Variants in E2F7 observed in about 807,000 individuals in gnomAD.
The protein encoded by E2F7 is transcription factor E2F7.
A neutral mutation model predicts 81.1 loss-of-function variants in E2F7; 35 were observed. That is an observed-to-expected ratio of 0.43 (90% confidence interval 0.33 to 0.57). The LOEUF is 0.57. Ranked by LOEUF, E2F7 falls within the 20% of genes least tolerant of loss-of-function variation. E2F7 has a pLI of 0.04. For synonymous variants in E2F7, 416 were observed against 416.2 expected (o/e 1.00, Z 0.01); for missense variants, 961 against 1,093.7 (o/e 0.88, Z 1.71).
Position 77,028,128 on chromosome 12 carries a change from T to C in E2F7, c.1895A>G (p.Asp632Gly), listed in dbSNP as rs201732721. The C allele has an allele frequency of 4.8e-5, 77 of 1,612,686 alleles. No homozygotes were observed. In the Middle Eastern group the frequency reaches 1.3e-3, roughly 28 times the overall value. ...CTTGGGAGAGGCAAGGTCTGTGGAA[T>C]CTGAGGGTTTCTAAACACAACCAAA... ...LSLVMPKKPS[D>G]STDLASPKTM... is the part of the protein sequence containing the mutation. The change falls in exon 11 of 13, where the codon GAT becomes GGT. Residue 632 changes from aspartate to glycine, a missense_variant. This residue lies in a region of E2F7 where 587 missense variants were observed against 620.3 expected (regional missense o/e 0.95). Coordinates refer to ENST00000322886, the MANE Select transcript of E2F7 (RefSeq NM_203394.3).
intron 9 of E2F7, 27 bp from the exon 10 acceptor site, chr12:77,030,359 G>T: frequency 6.6e-7 from 1 of 1,513,878 alleles, no homozygotes; most frequent in Non-Finnish European, 8.8e-7. Context: ...ACGTAACGAA[G>T]TTAGCACATT....
At chr12:77,027,777 C>A in intron 11 of E2F7, 106 bp downstream of exon 11, 1 of 1,457,528 alleles carries the variant, frequency 6.9e-7, no homozygotes, top group Non-Finnish European at 9.2e-7. Context: ...ATGACTCAGG[C>A]ACATCAATAA....
chr12:77,055,020 C>T (rs1955020863), intron 3 of E2F7, among the ~76,000 whole-genome samples: 2 of 152,044 alleles, frequency 1.3e-5, no homozygotes, highest in Admixed American at 6.6e-5. Flanking sequence ...AGCCAAAGAA[C>T]AGCCCAGACT....
chr12:77,037,416 C>G (rs1954861059), intron 7 of E2F7, among the ~76,000 whole-genome samples: 1 of 152,096 alleles, frequency 6.6e-6, no homozygotes, highest in African/African-American at 2.4e-5. Flanking sequence ...CATAGTGAAA[C>G]CCTGTCTCTA....
rs1173814178 is a variant in E2F7, at chr12:77,046,300, A to T, written c.567T>A (p.Ile189=). The T allele has an allele frequency of 9.9e-6, 16 of 1,614,084 alleles. No individual in the cohort carries two copies. Among genetic ancestry groups the T allele is most frequent in the Admixed American group, 5.0e-5 (3 of 59,988 alleles). Residue 189 remains isoleucine, a synonymous_variant, in exon 5 of 13, where the codon ATT becomes ATA. Transcript: ENST00000322886. ...LGVERRRIYD[I]VNVLESLHLV... is the part of the protein sequence containing the mutation. ...GATGCAGCGACTCCAGCACATTTAC[A>T]ATGTCATAGATGCGTCTCCTTTCCA... is the stretch of plus-strand genomic sequence containing the variant.
intron 7 of E2F7, among the ~76,000 whole-genome samples, chr12:77,034,277 T>A (rs903079211): frequency 6.6e-6 from 1 of 152,202 alleles, no homozygotes; most frequent in African/African-American, 2.4e-5. Flanking sequence ...TCCATATATA[T>A]TCTAAAATTA....
chr12:77,025,772 C>G lies in E2F7; in HGVS notation c.2351G>C (p.Ser784Thr), dbSNP rs1592552569. ...ALPNTGPVNF[S>T]LPGLGSIAQL... is the part of the protein sequence containing the mutation. The stretch of plus-strand genomic sequence containing the variant: ...GGCTATTGATCCAAGGCCAGGCAAG[C>G]TGAAATTCACAGGTCCTGTGTTTGG... The change falls in exon 12 of 13, where the codon AGC (serine) becomes ACC (threonine). Residue 784 changes from serine (S) to threonine (T), a missense_variant. Physicochemically the swap from Ser to Thr is moderately conservative, Grantham distance 58 (BLOSUM62 1). Transcript: ENST00000322886. 1.2e-6 allele frequency: 2 copies of G among 1,614,038 alleles called. No individual in the cohort carries two copies. The highest frequency in any genetic ancestry group is 8.5e-7 in the Non-Finnish European group (1 of 1,180,018).
chr12:77,030,035 A>ACTT lies in E2F7; in HGVS notation c.1677_1679dup (p.Gly559_Ser560insArg). On this transcript the variant is annotated inframe_insertion, in exon 10 of 13. Coordinates refer to ENST00000322886, the MANE Select transcript of E2F7 (RefSeq NM_203394.3). ...ACCCTGACGCTGGTCCCTCCTGCAG[A>ACTT]CTTCCATACAGCATGAACAGTGAGG... is the stretch of plus-strand genomic sequence containing the variant. 6.2e-7 allele frequency: 1 copy of ACTT among 1,614,178 alleles called. No homozygotes were observed. Among genetic ancestry groups the ACTT allele is most frequent in the Non-Finnish European group, 8.5e-7 (1 of 1,180,032 alleles).
At chr12:77,028,731 C>T (rs1954779976) in intron 10 of E2F7, among the ~76,000 whole-genome samples, 1 of 152,124 alleles carries the variant, frequency 6.6e-6, no homozygotes, top group Non-Finnish European at 1.5e-5. Context: ...GCCTCGGCCT[C>T]CAAAGTGCTG....
chr12:77,064,611 T>C lies in E2F7; in HGVS notation c.25A>G (p.Lys9Glu). Residue 9 changes from lysine (K) to glutamate (E), a missense_variant, in exon 2 of 13, where the codon AAA becomes GAA. Physicochemically the swap from Lys to Glu is moderately conservative, Grantham distance 56. Around this residue, in one of 3 missense-constraint regions of E2F7, gnomAD observed 73 missense variants for 68.4 expected, o/e 1.07. Transcript: ENST00000322886. ...GGCTGCCTGGGGCTGATCAGGTCTT[T>C]TAGTGTTAAACAATTTACCTCCATC... is the stretch of plus-strand genomic sequence containing the variant. MEVNCLTL[K>E]DLISPRQPRL... The C allele has an allele frequency of 6.2e-7, 1 of 1,614,080 alleles. No individual in the cohort carries two copies. The highest frequency in any genetic ancestry group is 1.1e-5 in the South Asian group (1 of 91,024).
intron 5 of E2F7, 81 bp from the exon 6 acceptor site, chr12:77,044,876 C>G: frequency 6.7e-7 from 1 of 1,490,162 alleles, no homozygotes; most frequent in Non-Finnish European, 9.1e-7. Flanking sequence ...CCAAAATGAT[C>G]TAGCCCTATC....
chr12:77,056,434 G>A lies in E2F7; in HGVS notation c.94-304C>T, dbSNP rs148313337. On this transcript the variant is annotated intron_variant, in intron 2 of 12. Coordinates refer to ENST00000322886, the MANE Select transcript of E2F7 (RefSeq NM_203394.3). The stretch of plus-strand genomic sequence containing the variant: ...ACAGATGAGGACTATGAGGGCCAAT[G>A]TGGGTTGAGTCCATATTGTTTCTAA... 9.8e-5 allele frequency among the ~76,000 whole-genome samples: 15 copies of A among 152,312 alleles called. 1 individual carries two copies. The East Asian group carries it at 2.9e-3, about 29-fold the overall frequency.
At position 77,033,884 on chromosome 12, in the gene E2F7, G is replaced by T; in HGVS notation, c.1282C>A (p.Pro428Thr). Reference sequence around the variant, plus strand: ...TGTTCTTCTCTGTACGGGCTGCTCGGTTCTGAGTTCACTTTCCTCTGGATC... The same window carrying T: ...TGTTCTTCTCTGTACGGGCTGCTCGTTTCTGAGTTCACTTTCCTCTGGATC... ...ERIQRKVNSEPSSPYREEQGS... is the reference protein window; with the variant it reads ...ERIQRKVNSETSSPYREEQGS... Residue 428 changes from proline (P) to threonine (T), a missense_variant, in exon 8 of 13, where the codon CCG becomes ACG. Physicochemically the swap from Pro to Thr is conservative, Grantham distance 38. Transcript: ENST00000322886. 6.2e-7 allele frequency: 1 copy of T among 1,613,200 alleles called. No homozygotes were observed. The highest frequency in any genetic ancestry group is 8.5e-7 in the Non-Finnish European group (1 of 1,179,712).
rs1218991594 is a variant in E2F7, at chr12:77,022,917, G to T, written c.*1098C>A. On this transcript the variant is annotated 3_prime_UTR_variant, in exon 13 of 13. Transcript: ENST00000322886. ...ACTAACTACAGTTTGAATACCCTTGGATATGAAACATATGTCCATTTTCCC... is the reference window on the plus strand; with the variant it reads ...ACTAACTACAGTTTGAATACCCTTGTATATGAAACATATGTCCATTTTCCC... The T allele has an allele frequency of 4.6e-5, 7 of 152,086 alleles. No homozygotes were observed. Among genetic ancestry groups the T allele is most frequent in the African/African-American group, 7.2e-5 (3 of 41,394 alleles). The allele number at this position is 152,086 out of a possible 1,614,324, so 9.4% of individuals were successfully genotyped here.
chr12:77,039,721 T>C (rs1161139442), intron 7 of E2F7, among the ~76,000 whole-genome samples: 1 of 152,202 alleles, frequency 6.6e-6, no homozygotes, highest in Non-Finnish European at 1.5e-5. Flanking sequence ...ATGTAAAATG[T>C]TATAACTGCT....
chr12:77,037,995 C>G (rs1007305226), intron 7 of E2F7, among the ~76,000 whole-genome samples: 2 of 152,058 alleles, frequency 1.3e-5, no homozygotes, highest in African/African-American at 4.8e-5. Flanking sequence ...GCTGAAGTGA[C>G]TATATCACTA....
rs369085268 is a variant in E2F7, at chr12:77,030,194, C to T, written c.1521G>A (p.Thr507=). The change falls in exon 10 of 13, where the codon ACG becomes ACA. Residue 507 remains threonine (T), a synonymous_variant. Transcript: ENST00000322886. ...TCTGCATGGAGAATGCCTGCAGGTCCGTCTGAGCAACAGAAAATACTGGGT... is the reference window on the plus strand; with the variant it reads ...TCTGCATGGAGAATGCCTGCAGGTCTGTCTGAGCAACAGAAAATACTGGGT... The part of the protein sequence containing the change: ...LAHPVFSVAQ[T]DLQAFSMQNG... 4.8e-5 allele frequency: 77 copies of T among 1,613,982 alleles called. No homozygotes were observed. The highest frequency in any genetic ancestry group is 5.6e-5 in the Non-Finnish European group (66 of 1,180,032).
At chr12:77,040,656 A>G (rs1438019849) in intron 7 of E2F7, among the ~76,000 whole-genome samples, 1 of 152,240 alleles carries the variant, frequency 6.6e-6, no homozygotes, top group East Asian at 1.9e-4. Context: ...CCAGAATGAC[A>G]GAAAGCAGGT....
rs561241653 is a variant in E2F7, at chr12:77,023,090, T to C, written c.*925A>G. ...ATATAATCACTTTCTACCATCCTGA[T>C]TTATTTTACAAACAGCAATTGTTAG... On this transcript the variant is annotated 3_prime_UTR_variant, in exon 13 of 13. Transcript: ENST00000322886. 6.6e-6 allele frequency: 1 copy of C among 152,360 alleles called. No individual in the cohort carries two copies. The highest frequency in any genetic ancestry group is 1.9e-4 in the East Asian group (1 of 5,184). 9.4% of individuals were successfully genotyped at this position (152,360 alleles called of 1,614,324 possible).
Sources: allele counts gnomAD v4.1 joint callset (sites outside exome capture counted in the v4.1 genomes callset), GRCh38; gene constraint gnomAD v4.1.1; regional missense constraint gnomAD v4.1.1; transcripts MANE v1.5; gene names NCBI Gene and HGNC (gene_info 2026-07-23, HGNC 2026-07-21).